ESCO2: variants seen among roughly 807,000 people sequenced by gnomAD.
ESCO2 encodes establishment of sister chromatid cohesion N-acetyltransferase 2.
Under a neutral mutation model 61.7 loss-of-function variants are expected in ESCO2, and 51 were observed. The ratio of observed to expected loss-of-function variants is 0.83; its 90% CI spans 0.66 to 1.04. ESCO2 has a LOEUF of 1.04. ESCO2 is among the 50% of genes least tolerant of loss of function. ESCO2 has a pLI of 0.00. For missense variants in ESCO2, 692 were observed against 686.2 expected (o/e 1.01, Z -0.09); for synonymous variants, 230 against 238.2 (o/e 0.97, Z 0.32).
At chr8:27,779,449 A>G (rs919604068) in intron 3 of ESCO2, 2 of 151,808 alleles carry the variant, frequency 1.3e-5, no homozygotes, top group African/African-American at 4.8e-5. Context: ...CATTCCTGCT[A>G]CTCTCCAGTG....
chr8:27,791,905 G>C (rs1585403193), intron 7 of ESCO2, 58 bp from the exon 8 acceptor site: 1 of 1,409,522 alleles, frequency 7.1e-7, no homozygotes, highest in Non-Finnish European at 9.9e-7. Flanking sequence ...ATTATTTAAT[G>C]TTGGTTTTTT....
rs1310035177 is a variant in ESCO2 at position 27,805,179 on chromosome 8, G to C, written c.*1741G>C. 6.4e-5 allele frequency: 8 copies of C among 125,864 alleles called. 2 individuals are homozygous for C. In the East Asian group the frequency reaches 2.1e-3, roughly 33 times the overall value. The allele number at this position is 125,864 out of a possible 1,614,324, so 7.8% of individuals were successfully genotyped here. ...CGCCTGTAGTCCCAGCTACTCGGGA[G>C]GCTGAGGCAGGAGAATGGCGTGAAC... On this transcript the variant is annotated 3_prime_UTR_variant, in exon 11 of 11. Coordinates refer to ENST00000305188, the MANE Select transcript of ESCO2 (RefSeq NM_001017420.3).
chr8:27,797,067 G>A (rs540290186), intron 9 of ESCO2, among the ~76,000 whole-genome samples: 6 of 152,178 alleles, frequency 3.9e-5, no homozygotes, highest in Middle Eastern at 6.8e-3. Context: ...TGCTATGATC[G>A]CACCAGTGCA....
At chr8:27,784,623 G>T (rs546300074) in intron 5 of ESCO2, among the ~76,000 whole-genome samples, 1 of 152,142 alleles carries the variant, frequency 6.6e-6, no homozygotes, top group African/African-American at 2.4e-5. Context: ...ACTTGCAGCA[G>T]CTTAATGTTA....
intron 5 of ESCO2, among the ~76,000 whole-genome samples, chr8:27,786,795 T>C (rs201196162): frequency 0.014 from 2,079 of 151,496 alleles, 47 homozygotes; most frequent in African/African-American, 0.043. Flanking sequence ...TTTTTTTTTT[T>C]TTTTTTCTAC....
At chr8:27,775,667 A>T in intron 2 of ESCO2, 100 bp downstream of exon 2, 1 of 1,049,532 alleles carries the variant, frequency 9.5e-7, no homozygotes, top group Non-Finnish European at 1.5e-6. Context: ...CCACTAGCCT[A>T]CTCCTTGTGG....
intron 7 of ESCO2, 54 bp from the exon 8 acceptor site, chr8:27,791,909 G>GTT (rs11402833): frequency 4.5e-4 from 663 of 1,472,654 alleles, no homozygotes; most frequent in Non-Finnish European, 5.6e-4. Context: ...TTTAATGTTG[G>GTT]TTTTTTTTCC....
In ESCO2 at chr8:27,776,862, C is replaced by G; in HGVS notation, c.554C>G (p.Ala185Gly). Residue 185 changes from alanine (A) to glycine (G), a missense_variant, in exon 3 of 11, where the codon GCT becomes GGT. Transcript: ENST00000305188. ...IVEKENNCHS[A>G]ENNSNAPRVL... ...GAGAAGGAAAATAATTGTCATTCAG[C>G]TGAAAATAATTCCAATGCTCCTCGG... The G allele has an allele frequency of 6.2e-7, 1 of 1,614,124 alleles. No homozygotes were observed. Among genetic ancestry groups the G allele is most frequent in the Non-Finnish European group, 8.5e-7 (1 of 1,180,044 alleles).
intron 9 of ESCO2, among the ~76,000 whole-genome samples, chr8:27,795,294 T>C (rs1461215153): frequency 6.6e-6 from 1 of 152,188 alleles, no homozygotes; most frequent in Non-Finnish European, 1.5e-5. Context: ...TGGATTGTCT[T>C]CTTGACTTCT....
Position 27,804,317 on chromosome 8 carries a change from CTGTTACTGACAAT to C in ESCO2, c.*882_*894del, listed in dbSNP as rs1805516522. On this transcript the variant is annotated 3_prime_UTR_variant, in exon 11 of 11. Transcript: ENST00000305188. ...ATATTGGTAGTACTACTTTGGGAAC[CTGTTACTGACAAT>C]TGATGTCATTAACAAAATGCCTAGT... 3.0e-6 allele frequency: 3 copies of C among 985,376 alleles called. No individual in the cohort carries two copies. The highest frequency in any genetic ancestry group is 3.6e-6 in the Non-Finnish European group (3 of 829,910). 61.0% of individuals were successfully genotyped at this position (985,376 alleles called of 1,614,324 possible).
intron 7 of ESCO2, among the ~76,000 whole-genome samples, chr8:27,790,495 G>A (rs1805152437): frequency 6.6e-6 from 1 of 152,012 alleles, no homozygotes; most frequent in Non-Finnish European, 1.5e-5. Context: ...GATATTTTCT[G>A]CATATACAAG....
downstream of ESCO2, among the ~76,000 whole-genome samples, chr8:27,805,480 G>A (rs985186254): frequency 6.6e-6 from 1 of 152,026 alleles, no homozygotes; most frequent in Non-Finnish European, 1.5e-5. Context: ...ATTTGCTATT[G>A]ATACTGTTGT....
rs1396909255 is a variant in ESCO2 at position 27,775,545 on chromosome 8, C to T, written c.31C>T (p.Gln11Ter). 1 of 1,614,002 alleles carries T rather than the reference C, an allele frequency of 6.2e-7. No individual in the cohort carries two copies. MAALTPRKRK[Q>*]DSLKCDSLLH... ...AGCTCTTACTCCAAGGAAGAGGAAG[C>T]AGGATTCTTTGAAGTGTGACAGGTG... The change falls in exon 2 of 11, where the codon CAG becomes TAG. Residue 11 changes from glutamine (Q) to a stop codon, truncating the protein, a stop_gained. Transcript: ENST00000305188. LOFTEE classifies it high-confidence loss of function.
intron 10 of ESCO2, among the ~76,000 whole-genome samples, chr8:27,801,099 T>C (rs1314732554): frequency 6.6e-6 from 1 of 152,210 alleles, no homozygotes; most frequent in Non-Finnish European, 1.5e-5. Context: ...ATATGAGTTA[T>C]ATCTCAACCA....
At chr8:27,780,871 TTC>T (rs1804910884) in intron 4 of ESCO2, among the ~76,000 whole-genome samples, 1 of 152,208 alleles carries the variant, frequency 6.6e-6, no homozygotes, top group African/African-American at 2.4e-5. Flanking sequence ...TTTTTTATGA[TTC>T]TGAGATATGA....
chr8:27,796,200 T>C (rs1213308312), intron 9 of ESCO2, among the ~76,000 whole-genome samples: 2 of 152,062 alleles, frequency 1.3e-5, no homozygotes, highest in Non-Finnish European at 2.9e-5. Context: ...TTATTTCTTA[T>C]AGGTTACCTA....
chr8:27,772,769 G>A (rs1384824286), upstream of ESCO2: 5 of 557,242 alleles, frequency 9.0e-6, no homozygotes, highest in East Asian at 1.5e-4. Context: ...AAGGGAAAGA[G>A]GCTGGGCATC....
rs1411069788 is a variant in ESCO2 at position 27,803,505 on chromosome 8, A to G, written c.*67A>G. 1 of 1,575,430 alleles carries G rather than the reference A, an allele frequency of 6.3e-7. No homozygotes were observed. Among genetic ancestry groups the G allele is most frequent in the Admixed American group, 1.7e-5 (1 of 57,766 alleles). ...CAAAGAGCTCCTTATTATAAAATACAAACTATTTAATATCAAAATAAAAAA... is the reference window on the plus strand; with the variant it reads ...CAAAGAGCTCCTTATTATAAAATACGAACTATTTAATATCAAAATAAAAAA... On this transcript the variant is annotated 3_prime_UTR_variant, in exon 11 of 11. Transcript: ENST00000305188.
chr8:27,784,572 C>T (rs1804995050), intron 5 of ESCO2, among the ~76,000 whole-genome samples: 1 of 152,076 alleles, frequency 6.6e-6, no homozygotes, highest in African/African-American at 2.4e-5. Flanking sequence ...ACCATTATTA[C>T]CCCATGTTGT....
Sources: allele counts gnomAD v4.1 joint callset (sites outside exome capture counted in the v4.1 genomes callset), GRCh38; gene constraint gnomAD v4.1.1; transcripts MANE v1.5; gene names NCBI Gene and HGNC (gene_info 2026-07-23, HGNC 2026-07-21).